FGGY: variants seen among roughly 807,000 people sequenced by gnomAD.
The protein encoded by FGGY is FGGY carbohydrate kinase domain-containing protein.
In FGGY, 72 loss-of-function variants were observed where a neutral mutation model predicts 71.3. The observed-to-expected ratio is 1.01, with a 90% CI of 0.84 to 1.23. FGGY has a LOEUF of 1.23. Among genes scored for constraint, FGGY ranks in the 50% most tolerant of loss-of-function variants. The pLI is 0.00. For missense variants in FGGY, 668 were observed against 682.3 expected, an observed-to-expected ratio of 0.98 and a Z score of 0.23; for synonymous variants, 251 against 250.3, an observed-to-expected ratio of 1.00 and a Z score of -0.02.
chr1:59,502,081 CT>C (rs2094243287), intron 6 of FGGY, among the ~76,000 whole-genome samples: 1 of 152,162 alleles, frequency 6.6e-6, no homozygotes, highest in African/African-American at 2.4e-5. Flanking sequence ...TTATTATAGC[CT>C]TTTTACAGGT....
chr1:59,392,077 G>A (rs1190069647), intron 5 of FGGY, among the ~76,000 whole-genome samples: 1 of 152,114 alleles, frequency 6.6e-6, no homozygotes, highest in Non-Finnish European at 1.5e-5. Flanking sequence ...ATCATGCCTT[G>A]TTCAGGAGTC....
rs559839342 is a variant in FGGY at position 59,724,503 on chromosome 1, C to T, written c.1513-33428C>T. Among the ~76,000 whole-genome samples, 5 of 151,874 alleles carry T rather than the reference C, an allele frequency of 3.3e-5. No homozygotes were observed. In the East Asian group the frequency reaches 7.8e-4, roughly 24 times the overall value. On this transcript the variant is annotated intron_variant, in intron 14 of 15. Transcript: ENST00000303721. ...CATCTCAAAAAAAAAAAAAAATTCCCCTGTGTTTTACCTCTTTAACTTTCC... is the reference window on the plus strand; with the variant it reads ...CATCTCAAAAAAAAAAAAAAATTCCTCTGTGTTTTACCTCTTTAACTTTCC...
At chr1:59,408,169 A>C (rs955826300) in intron 5 of FGGY, among the ~76,000 whole-genome samples, 1 of 152,214 alleles carries the variant, frequency 6.6e-6, no homozygotes, top group African/African-American at 2.4e-5. Flanking sequence ...TTGGCTTGAG[A>C]ACCTGATACC....
At chr1:59,354,940 G>T (rs937751508) in intron 4 of FGGY, among the ~76,000 whole-genome samples, 10 of 152,218 alleles carry the variant, frequency 6.6e-5, no homozygotes, top group African/African-American at 2.4e-4. Context: ...GGGGAGGAAA[G>T]CACCTCATGA....
At chr1:59,647,008 A>G (rs1341284791) in intron 11 of FGGY, among the ~76,000 whole-genome samples, 6 of 152,064 alleles carry the variant, frequency 3.9e-5, no homozygotes, top group African/African-American at 7.3e-5. Context: ...TATCTTTCCT[A>G]TATACACTAA....
intron 10 of FGGY, among the ~76,000 whole-genome samples, chr1:59,633,049 C>T (rs2153873590): frequency 7.3e-6 from 1 of 137,890 alleles, no homozygotes; most frequent in Admixed American, 7.7e-5. Context: ...CTCGCACTTT[C>T]ACCCAGGCTG....
At chr1:59,363,179 A>G (rs1409577476) in intron 4 of FGGY, among the ~76,000 whole-genome samples, 1 of 152,224 alleles carries the variant, frequency 6.6e-6, no homozygotes, top group Non-Finnish European at 1.5e-5. Context: ...CAATCCTATG[A>G]GTTAAATGTT....
intron 14 of FGGY, among the ~76,000 whole-genome samples, chr1:59,741,448 T>C (rs2101325179): frequency 6.6e-6 from 1 of 152,280 alleles, no homozygotes; most frequent in South Asian, 2.1e-4. Context: ...CCTGAGGTCT[T>C]CTCAGAAGCA....
intron 8 of FGGY, among the ~76,000 whole-genome samples, chr1:59,559,749 G>T (rs549364959): frequency 6.6e-6 from 1 of 152,266 alleles, no homozygotes; most frequent in African/African-American, 2.4e-5. Flanking sequence ...GTCACAGGGA[G>T]CCAACTGTGG....
At chr1:59,648,520 T>C (rs2097122900) in intron 11 of FGGY, among the ~76,000 whole-genome samples, 2 of 139,670 alleles carry the variant, frequency 1.4e-5, no homozygotes, top group South Asian at 4.6e-4. Context: ...CATTTTTTCA[T>C]GTGTTTTTTG....
At chr1:59,467,151 C>T (rs1241758486) in intron 6 of FGGY, among the ~76,000 whole-genome samples, 1 of 152,124 alleles carries the variant, frequency 6.6e-6, no homozygotes, top group Non-Finnish European at 1.5e-5. Flanking sequence ...CAGATAGACA[C>T]CATGGAATAC....
intron 4 of FGGY, among the ~76,000 whole-genome samples, chr1:59,375,910 TAAG>T (rs1211172926): frequency 3.8e-4 from 57 of 150,400 alleles, no homozygotes; most frequent in Non-Finnish European, 6.9e-4. Context: ...TGCCTGAATT[TAAG>T]AAGATTGTTG....
chr1:59,329,168 A>G, intron 2 of FGGY, among the ~76,000 whole-genome samples: 1 of 152,224 alleles, frequency 6.6e-6, no homozygotes. Flanking sequence ...GGCATACCTC[A>G]AACTGCGGTT....
intron 8 of FGGY, among the ~76,000 whole-genome samples, chr1:59,588,479 A>G (rs1216625368): frequency 6.6e-6 from 1 of 152,186 alleles, no homozygotes; most frequent in African/African-American, 2.4e-5. Flanking sequence ...AGCAACTCCA[A>G]GACACATAAT....
chr1:59,660,375 A>G, intron 12 of FGGY, 82 bp downstream of exon 12: 10 of 989,876 alleles, frequency 1.0e-5, no homozygotes, highest in Middle Eastern at 2.1e-4. Context: ...GATACAGCAC[A>G]TGCTTTTGTG....
intron 6 of FGGY, among the ~76,000 whole-genome samples, chr1:59,475,367 C>T (rs776089651): frequency 3.3e-5 from 5 of 151,830 alleles, no homozygotes; most frequent in Non-Finnish European, 4.4e-5. Context: ...TATCCACAGG[C>T]AAATAAAAAA....
chr1:59,373,354 A>G (rs7536338), intron 4 of FGGY, among the ~76,000 whole-genome samples: 24 of 152,198 alleles, frequency 1.6e-4, no homozygotes, highest in Non-Finnish European at 2.6e-4. Flanking sequence ...TACAAGGGAC[A>G]TGAAGGACCT....
intron 6 of FGGY, among the ~76,000 whole-genome samples, chr1:59,499,322 G>A (rs1450072187): frequency 3.8e-5 from 2 of 52,452 alleles, no homozygotes; most frequent in Admixed American, 1.9e-4. Context: ...TTTTGATCTG[G>A]TAACTGAGAG....
chr1:59,739,153 C>T (rs2098128037), intron 14 of FGGY, among the ~76,000 whole-genome samples: 3 of 152,290 alleles, frequency 2.0e-5, no homozygotes, highest in Non-Finnish European at 4.4e-5. Flanking sequence ...CCATGAGCAC[C>T]AGTAATGAAG....
Sources: allele counts gnomAD v4.1 joint callset (sites outside exome capture counted in the v4.1 genomes callset), GRCh38; gene constraint gnomAD v4.1.1; transcripts MANE v1.5; gene names NCBI Gene and HGNC (gene_info 2026-07-23, HGNC 2026-07-21).